Variants in TMOD1 observed in about 807,000 individuals in gnomAD.
The protein encoded by TMOD1 is tropomodulin-1.
TMOD1 carries 17 observed loss-of-function variants against 40.6 expected under a neutral mutation model. That is an observed-to-expected ratio of 0.42 (90% CI 0.29 to 0.63). The LOEUF (loss-of-function observed/expected upper bound fraction) is 0.63. Among genes scored for constraint, TMOD1 ranks in the 20% least tolerant of loss-of-function variants. TMOD1 has a pLI of 0.22. For synonymous variants in TMOD1, 181 were observed against 175.0 expected (o/e 1.03, Z -0.27); for missense variants, 391 against 447.6 (o/e 0.87, Z 1.14).
intron 8 of TMOD1, among the ~76,000 whole-genome samples, chr9:97,579,691 G>C (rs1486333990): frequency 2.0e-5 from 3 of 152,208 alleles, no homozygotes; most frequent in Non-Finnish European, 4.4e-5. Context: ...CATGTGGCTA[G>C]TAGCTACTGT....
chr9:97,537,847 A>G (rs1830207930), intron 2 of TMOD1, among the ~76,000 whole-genome samples: 1 of 152,250 alleles, frequency 6.6e-6, no homozygotes, highest in South Asian at 2.1e-4. Context: ...TATTTGAGAA[A>G]TAAATGAATG....
At chr9:97,524,012 C>T in intron 1 of TMOD1, 129 bp from the exon 2 acceptor site, 2 of 602,890 alleles carry the variant, frequency 3.3e-6, no homozygotes, top group East Asian at 3.1e-5. Context: ...TGTAGTATTC[C>T]ACCATAGTAA....
chr9:97,574,977 C>T (rs1007987897), intron 8 of TMOD1, among the ~76,000 whole-genome samples: 1 of 152,180 alleles, frequency 6.6e-6, no homozygotes, highest in Non-Finnish European at 1.5e-5. Context: ...TAAAATGGAC[C>T]AATCAGCAGG....
intron 8 of TMOD1, among the ~76,000 whole-genome samples, chr9:97,590,697 A>T (rs1461151315): frequency 6.6e-6 from 1 of 151,982 alleles, no homozygotes; most frequent in Non-Finnish European, 1.5e-5. Flanking sequence ...GGAACCATTA[A>T]TAATATGATC....
At chr9:97,577,321 C>T (rs2131278229) in intron 8 of TMOD1, among the ~76,000 whole-genome samples, 1 of 152,298 alleles carries the variant, frequency 6.6e-6, no homozygotes, top group African/African-American at 2.4e-5. Flanking sequence ...TTCCTCTCGT[C>T]AGTCCTACTT....
intron 4 of TMOD1, chr9:97,555,440 A>G: frequency 7.1e-7 from 1 of 1,405,796 alleles, no homozygotes; most frequent in Non-Finnish European, 9.2e-7. Context: ...TTCCTGTGCC[A>G]GGTCAGAGCT....
intron 8 of TMOD1, among the ~76,000 whole-genome samples, chr9:97,580,825 C>T (rs1825734012): frequency 6.6e-6 from 1 of 152,124 alleles, no homozygotes; most frequent in Non-Finnish European, 1.5e-5. Context: ...CTTCTGCCTC[C>T]TTAACCCCAG....
At chr9:97,562,940 T>C in intron 5 of TMOD1, 119 bp downstream of exon 5, 3 of 716,880 alleles carry the variant, frequency 4.2e-6, no homozygotes, top group South Asian at 3.9e-5. Context: ...GTTCATCCTT[T>C]CCTTTGAGTC....
intron 2 of TMOD1, among the ~76,000 whole-genome samples, chr9:97,531,916 C>G (rs529464684): frequency 6.6e-6 from 1 of 152,176 alleles, no homozygotes; most frequent in Non-Finnish European, 1.5e-5. Context: ...AGGACTCATT[C>G]AAGGTCACAC....
At chr9:97,523,703 T>A (rs376928432) in intron 1 of TMOD1, among the ~76,000 whole-genome samples, 1 of 152,114 alleles carries the variant, frequency 6.6e-6, no homozygotes, top group Non-Finnish European at 1.5e-5. Flanking sequence ...GGGGCCTGTA[T>A]GCAGTAGGTG....
rs1182579430 is a variant in TMOD1, at chr9:97,513,124, T to C, written c.-48-11017T>C. On this transcript the variant is annotated intron_variant, in intron 1 of 9. Coordinates refer to ENST00000259365, the MANE Select transcript of TMOD1 (RefSeq NM_003275.4). The surrounding 1 kb of genome is among the most constrained non-coding windows in gnomAD (Gnocchi z 4.1). ...ATGAGCACCTTGAACTGTTGATTTA[T>C]GCTGGGTCTACAGTCACCGGAGAGC... 6.6e-6 allele frequency: 1 copy of C among 152,234 alleles called. No homozygotes were observed. The highest frequency in any genetic ancestry group is 1.5e-5 in the Non-Finnish European group (1 of 68,048). The allele number at this position is 152,234 out of a possible 1,614,324, so 9.4% of individuals were successfully genotyped here.
chr9:97,519,605 C>T (rs889453583), intron 1 of TMOD1, among the ~76,000 whole-genome samples: 1 of 152,082 alleles, frequency 6.6e-6, no homozygotes, highest in Non-Finnish European at 1.5e-5. Context: ...CCAATCTTGC[C>T]GTGGTAAAGA....
At chr9:97,597,114 A>G (rs902789425) in intron 9 of TMOD1, among the ~76,000 whole-genome samples, 1 of 152,238 alleles carries the variant, frequency 6.6e-6, no homozygotes, top group Non-Finnish European at 1.5e-5. Flanking sequence ...CAAGCAGCAG[A>G]TGGAGGTTGG....
intron 2 of TMOD1, among the ~76,000 whole-genome samples, chr9:97,525,389 C>G (rs1329544013): frequency 6.6e-6 from 1 of 152,128 alleles, no homozygotes; most frequent in Non-Finnish European, 1.5e-5. Context: ...TACAAGTGTT[C>G]ATAAAATAAG....
intron 1 of TMOD1, among the ~76,000 whole-genome samples, chr9:97,511,579 TTTGTTTGC>T (rs1301559436): frequency 6.6e-6 from 1 of 152,112 alleles, no homozygotes; most frequent in Non-Finnish European, 1.5e-5. Flanking sequence ...GCAGTTTTTG[TTTGTTTGC>T]TTGTTTGTTT....
chr9:97,516,055 T>C (rs1829800762), intron 1 of TMOD1, among the ~76,000 whole-genome samples: 1 of 152,142 alleles, frequency 6.6e-6, no homozygotes, highest in Non-Finnish European at 1.5e-5. Context: ...TTTTGTCTAC[T>C]CCTTCCACAC....
At chr9:97,511,085 GAC>G (rs57982813) in intron 1 of TMOD1, among the ~76,000 whole-genome samples, 5,369 of 144,178 alleles carry the variant, frequency 0.037, 330 homozygotes, top group African/African-American at 0.13. Flanking sequence ...CACACACACA[GAC>G]ACACACACAC....
chr9:97,538,727 T>C (rs932397627), intron 2 of TMOD1, among the ~76,000 whole-genome samples: 3 of 152,112 alleles, frequency 2.0e-5, no homozygotes, highest in African/African-American at 7.2e-5. Context: ...CCAGGTGCGG[T>C]GGCTCATGCC....
At chr9:97,564,222 T>C (rs1830691639) in intron 6 of TMOD1, 54 bp downstream of exon 6, 1 of 1,545,224 alleles carries the variant, frequency 6.5e-7, no homozygotes. Context: ...GGGGGAACCA[T>C]GTCACCCAAA....
Sources: gnomAD v4.1 joint callset for allele counts (sites outside exome capture counted in the v4.1 genomes callset) on GRCh38, gnomAD v4.1.1 for gene constraint, Gnocchi (gnomAD v3.1) non-coding constraint, MANE v1.5 for transcripts, NCBI Gene and HGNC (gene_info 2026-07-23, HGNC 2026-07-21) for gene names.